PCDH7: variants seen among roughly 807,000 people sequenced by gnomAD.
PCDH7 encodes the protein protocadherin 7, also known as protocadherin-7.
Under a neutral mutation model 58.9 loss-of-function variants are expected in PCDH7, and 17 were observed. The ratio of observed to expected loss-of-function variants is 0.29; its 90% CI spans 0.20 to 0.43. The LOEUF is 0.43. Ranked by LOEUF, PCDH7 falls within the 20% of genes least tolerant of loss-of-function variation. The probability of loss-of-function intolerance (pLI) is 1.00; values close to 1 mark genes in which losing one functional copy is unlikely to be tolerated. For missense variants in PCDH7, 1,274 were observed against 1,441.0 expected (o/e 0.88, Z 1.88); for synonymous variants, 664 against 616.4 (o/e 1.08, Z -1.14).
At chr4:30,827,664 A>G (rs905783210) in intron 1 of PCDH7, among the ~76,000 whole-genome samples, 2 of 152,214 alleles carry the variant, frequency 1.3e-5, no homozygotes, top group African/African-American at 4.8e-5. Flanking sequence ...AAGGCCATCA[A>G]TCTACATAGA....
At chr4:31,118,256 A>G (rs1167870345) in intron 3 of PCDH7, among the ~76,000 whole-genome samples, 1 of 152,224 alleles carries the variant, frequency 6.6e-6, no homozygotes, top group Non-Finnish European at 1.5e-5. Context: ...GTAAATTATG[A>G]TGAAAGCTCT....
chr4:30,753,924 T>C (rs1158690008), intron 1 of PCDH7, among the ~76,000 whole-genome samples: 1 of 152,162 alleles, frequency 6.6e-6, no homozygotes, highest in East Asian at 1.9e-4. Flanking sequence ...GATTTGAATA[T>C]TATGAAATTT....
chr4:31,131,408 A>C (rs1254566157), intron 3 of PCDH7, among the ~76,000 whole-genome samples: 1 of 151,856 alleles, frequency 6.6e-6, no homozygotes, highest in Non-Finnish European at 1.5e-5. Flanking sequence ...CCTGCTCTGC[A>C]CTCCTGAGCT....
intron 2 of PCDH7, among the ~76,000 whole-genome samples, chr4:30,922,687 G>T (rs796818991): frequency 2.0e-5 from 3 of 152,118 alleles, no homozygotes; most frequent in African/African-American, 7.2e-5. Flanking sequence ...AAAAGCAAGG[G>T]TCATGATAAT....
At chr4:31,072,707 T>C (rs1272291871) in intron 3 of PCDH7, among the ~76,000 whole-genome samples, 1 of 152,098 alleles carries the variant, frequency 6.6e-6, no homozygotes, top group African/African-American at 2.4e-5. Context: ...CATCACATTA[T>C]TGGAATGTGT....
chr4:30,754,188 G>GTGTGTTTT (rs1039079090), intron 1 of PCDH7, among the ~76,000 whole-genome samples: 5 of 140,908 alleles, frequency 3.5e-5, no homozygotes, highest in South Asian at 2.1e-4. Context: ...GTGTGTGTGT[G>GTGTGTTTT]TTTTTTCTGG....
intron 3 of PCDH7, among the ~76,000 whole-genome samples, chr4:31,063,342 A>G (rs1479061244): frequency 6.6e-6 from 1 of 151,856 alleles, no homozygotes; most frequent in Non-Finnish European, 1.5e-5. Flanking sequence ...AAATTTTTCT[A>G]TGACATTTAT....
chr4:30,947,687 A>C (rs1746871777), intron 2 of PCDH7, among the ~76,000 whole-genome samples: 1 of 152,090 alleles, frequency 6.6e-6, no homozygotes, highest in African/African-American at 2.4e-5. Flanking sequence ...AACATTTATC[A>C]TTTCTTTGTG....
At chr4:31,083,231 C>A (rs140345339) in intron 3 of PCDH7, among the ~76,000 whole-genome samples, 1 of 152,006 alleles carries the variant, frequency 6.6e-6, no homozygotes, top group Non-Finnish European at 1.5e-5. Context: ...TCACAAAACC[C>A]CTTGTACCCC....
chr4:30,906,890 G>T (rs1473732320), intron 1 of PCDH7, among the ~76,000 whole-genome samples: 1 of 151,996 alleles, frequency 6.6e-6, no homozygotes, highest in Non-Finnish European at 1.5e-5. Flanking sequence ...GGGCGTGGTG[G>T]CGGGTGCCTG....
chr4:31,012,834 T>A (rs1433063940), intron 3 of PCDH7, among the ~76,000 whole-genome samples: 1 of 150,032 alleles, frequency 6.7e-6, no homozygotes, highest in Non-Finnish European at 1.5e-5. Flanking sequence ...CGAGAGATGG[T>A]CTCCACAAAA....
At chr4:30,913,919 G>T (rs1320783019) in intron 1 of PCDH7, among the ~76,000 whole-genome samples, 1 of 152,090 alleles carries the variant, frequency 6.6e-6, no homozygotes, top group East Asian at 1.9e-4. Flanking sequence ...ATCCTAATTT[G>T]CTATGTTTGT....
chr4:30,961,000 T>G (rs928113535), intron 3 of PCDH7, among the ~76,000 whole-genome samples: 20 of 152,114 alleles, frequency 1.3e-4, no homozygotes, highest in Non-Finnish European at 2.8e-4. Flanking sequence ...AATATGTGAA[T>G]TATGAAGAAA....
chr4:30,833,672 G>A (rs1730097377), intron 1 of PCDH7, among the ~76,000 whole-genome samples: 2 of 152,086 alleles, frequency 1.3e-5, no homozygotes, highest in Non-Finnish European at 2.9e-5. Context: ...GTGCAGCTAA[G>A]GATTGTATAT....
At chr4:30,860,463 A>G (rs149605162) in intron 1 of PCDH7, among the ~76,000 whole-genome samples, 126 of 152,114 alleles carry the variant, frequency 8.3e-4, no homozygotes, top group African/African-American at 2.8e-3. Context: ...ATATTTTCAA[A>G]TTGGAAAGCT....
At chr4:30,948,680 T>C (rs188622488) in intron 2 of PCDH7, among the ~76,000 whole-genome samples, 3 of 152,306 alleles carry the variant, frequency 2.0e-5, no homozygotes, top group African/African-American at 4.8e-5. Flanking sequence ...TTGTTTCTTT[T>C]ACATCAGAGG....
intron 3 of PCDH7, among the ~76,000 whole-genome samples, chr4:31,130,290 G>A (rs1041130378): frequency 2.0e-5 from 3 of 152,178 alleles, no homozygotes; most frequent in Non-Finnish European, 4.4e-5. Context: ...TTTAAGGTGT[G>A]TTGATTGATC....
At chr4:30,980,782 G>A (rs995263519) in intron 3 of PCDH7, among the ~76,000 whole-genome samples, 4 of 152,034 alleles carry the variant, frequency 2.6e-5, no homozygotes, top group Admixed American at 6.5e-5. Flanking sequence ...AATTTCTGTG[G>A]ACTAAATAGA....
intron 1 of PCDH7, among the ~76,000 whole-genome samples, chr4:30,792,343 T>C (rs1724228007): frequency 6.6e-6 from 1 of 152,126 alleles, no homozygotes. Context: ...TGTGAAAATA[T>C]AAGAAAGTTA....
Sources: allele counts gnomAD v4.1 joint callset (sites outside exome capture counted in the v4.1 genomes callset), GRCh38; gene constraint gnomAD v4.1.1; transcripts MANE v1.5; gene names NCBI Gene and HGNC (gene_info 2026-07-23, HGNC 2026-07-21).